Variants in SLC25A31 observed in about 807,000 individuals in gnomAD.
SLC25A31 encodes the protein solute carrier family 25 member 31, also known as ADP/ATP translocase 4.
In SLC25A31, 40 loss-of-function variants were observed where a neutral mutation model predicts 36.2. The ratio of observed to expected loss-of-function variants is 1.10; its 90% CI spans 0.86 to 1.44. The LOEUF (loss-of-function observed/expected upper bound fraction) is 1.44. SLC25A31 is among the 40% of genes most tolerant of loss of function. SLC25A31 has a pLI of 0.00. For synonymous variants in SLC25A31, 143 were observed against 149.7 expected (o/e 0.96, Z 0.32); for missense variants, 350 against 397.1 (o/e 0.88, Z 1.01).
intron 2 of SLC25A31, among the ~76,000 whole-genome samples, chr4:127,758,902 T>C (rs1351298017): frequency 6.6e-6 from 1 of 152,200 alleles, no homozygotes; most frequent in Non-Finnish European, 1.5e-5. Context: ...AGTCAGGTAA[T>C]GTGATGCCTA....
chr4:127,754,929 G>A (rs915695132), intron 2 of SLC25A31, among the ~76,000 whole-genome samples: 5 of 152,114 alleles, frequency 3.3e-5, no homozygotes, highest in Admixed American at 6.5e-5. Flanking sequence ...TCAAAACAGC[G>A]TGAAAATGGC....
intron 4 of SLC25A31, 104 bp from the exon 5 acceptor site, chr4:127,768,648 T>A: frequency 2.1e-6 from 2 of 953,402 alleles, no homozygotes; most frequent in Non-Finnish European, 2.9e-6. Flanking sequence ...ATTTTAAGTA[T>A]AATTGGGCCC....
At chr4:127,749,865 A>G (rs888181018) in intron 2 of SLC25A31, among the ~76,000 whole-genome samples, 1 of 152,152 alleles carries the variant, frequency 6.6e-6, no homozygotes, top group Non-Finnish European at 1.5e-5. Flanking sequence ...GCAAGACCCC[A>G]TGTCTAAAAA....
At position 127,730,695 on chromosome 4, in the gene SLC25A31, G is replaced by A. The variant is rs776278294; in HGVS notation, c.150G>A (p.Val50=). The A allele has an allele frequency of 6.4e-5, 103 of 1,613,804 alleles. No homozygotes were observed. Among genetic ancestry groups the A allele is most frequent in the Non-Finnish European group, 8.4e-5 (99 of 1,179,954 alleles). Residue 50 remains valine, a synonymous_variant, in exon 1 of 6, where the codon GTG becomes GTA. Coordinates refer to ENST00000281154, the MANE Select transcript of SLC25A31 (RefSeq NM_031291.4). ...PIERVKLLLQ[V]QASSKQISPE... is the part of the protein sequence containing the mutation. ...AGCGGGTGAAGCTGCTGCTGCAGGTGCAGGCGTCGTCGAAGCAGATCAGCC... is the reference window on the plus strand; with the variant it reads ...AGCGGGTGAAGCTGCTGCTGCAGGTACAGGCGTCGTCGAAGCAGATCAGCC...
At chr4:127,745,355 TTCAAAATTTCCTAC>T (rs2148756418) in intron 2 of SLC25A31, among the ~76,000 whole-genome samples, 1 of 152,298 alleles carries the variant, frequency 6.6e-6, no homozygotes, top group Non-Finnish European at 1.5e-5. Context: ...AAATCTCAAT[TTCAAAATTTCCTAC>T]TCATATAAAC....
Position 127,730,759 on chromosome 4 carries a change from C to G in SLC25A31, c.214C>G (p.Arg72Gly). The G allele has an allele frequency of 6.2e-7, 1 of 1,611,174 alleles. No homozygotes were observed. The highest frequency in any genetic ancestry group is 1.3e-5 in the African/African-American group (1 of 75,024). ...CAAAGGCATGGTGGACTGCCTGGTG[C>G]GGATTCCTCGCGAGCAGGGTGCGTC... The part of the protein sequence containing the change: ...RYKGMVDCLV[R>G]IPREQGFFSF... Residue 72 changes from arginine to glycine, a missense_variant, in exon 1 of 6, where the codon CGG becomes GGG. Transcript: ENST00000281154.
chr4:127,733,411 T>C (rs1232631243), intron 1 of SLC25A31, among the ~76,000 whole-genome samples: 1 of 152,212 alleles, frequency 6.6e-6, no homozygotes, highest in Non-Finnish European at 1.5e-5. Context: ...GCCCATGATG[T>C]CAGTGCTCAA....
chr4:127,759,001 C>T (rs577637443), intron 2 of SLC25A31, among the ~76,000 whole-genome samples: 1 of 152,172 alleles, frequency 6.6e-6, no homozygotes, highest in African/African-American at 2.4e-5. Flanking sequence ...TTTTCTAATT[C>T]TTTGACAACT....
intron 2 of SLC25A31, among the ~76,000 whole-genome samples, chr4:127,759,296 G>T (rs1459185300): frequency 2.0e-5 from 3 of 151,254 alleles, no homozygotes; most frequent in Admixed American, 1.3e-4. Flanking sequence ...GTGTAGAAAT[G>T]CTACTGACTT....
chr4:127,742,954 A>G (rs889878874), intron 1 of SLC25A31, among the ~76,000 whole-genome samples: 8 of 151,938 alleles, frequency 5.3e-5, no homozygotes, highest in Admixed American at 4.6e-4. Context: ...CTGTTCAAAA[A>G]TTGTTACAGC....
At chr4:127,757,961 T>C (rs1348488805) in intron 2 of SLC25A31, among the ~76,000 whole-genome samples, 2 of 152,186 alleles carry the variant, frequency 1.3e-5, no homozygotes, top group Admixed American at 6.5e-5. Flanking sequence ...CAGTTCCACA[T>C]GGCTGGGGAG....
chr4:127,746,145 T>C (rs914657218), intron 2 of SLC25A31, among the ~76,000 whole-genome samples: 1 of 152,218 alleles, frequency 6.6e-6, no homozygotes, highest in Non-Finnish European at 1.5e-5. Flanking sequence ...TTTTGTACTT[T>C]TTTATGGCTG....
At chr4:127,731,240 G>T (rs1731519459) in intron 1 of SLC25A31, among the ~76,000 whole-genome samples, 1 of 152,172 alleles carries the variant, frequency 6.6e-6, no homozygotes, top group Admixed American at 6.5e-5. Flanking sequence ...GAAATAGTAT[G>T]TCTAAGAGAA....
At chr4:127,734,939 A>G (rs1256680143) in intron 1 of SLC25A31, among the ~76,000 whole-genome samples, 1 of 152,140 alleles carries the variant, frequency 6.6e-6, no homozygotes, top group Non-Finnish European at 1.5e-5. Flanking sequence ...AGGTAGAGGG[A>G]ATGACAAGCA....
In SLC25A31 at chr4:127,743,666, A is replaced by C. The variant is rs540093203; in HGVS notation, c.233-1006A>C. On this transcript the variant is annotated intron_variant, in intron 1 of 5. Transcript: ENST00000281154. ...TGAGAAGATTATTTCTTTGCCATTA[A>C]ATATGCTTCTGAATTGTCTTTGTGT... 1.2e-4 allele frequency among the ~76,000 whole-genome samples: 18 copies of C among 152,318 alleles called. No homozygotes were observed. The South Asian group carries it at 3.7e-3, about 32-fold the overall frequency.
intron 1 of SLC25A31, among the ~76,000 whole-genome samples, chr4:127,734,012 T>G (rs987579695): frequency 6.6e-6 from 1 of 152,248 alleles, no homozygotes; most frequent in African/African-American, 2.4e-5. Context: ...TAAAGATTTA[T>G]TATATTCTTT....
At chr4:127,747,467 A>G (rs1289567720) in intron 2 of SLC25A31, among the ~76,000 whole-genome samples, 1 of 152,170 alleles carries the variant, frequency 6.6e-6, no homozygotes, top group Admixed American at 6.5e-5. Context: ...CACTGCTCAT[A>G]GAAATCAGAG....
In SLC25A31 at chr4:127,773,502, AG is replaced by A; in HGVS notation, c.881del (p.Gly294ValfsTer34). ...GAFSNVLRGT[G>X]GALVLVLYDK... ...CCTTCTCCAATGTTCTTCGCGGTAC[AG>A]GGGGTGCTTTGGTGTTGGTATTATA... On this transcript the variant is annotated frameshift_variant, in exon 6 of 6. Transcript: ENST00000281154. LOFTEE classifies it high-confidence loss of function. The A allele has an allele frequency of 3.1e-6, 5 of 1,613,734 alleles. No homozygotes were observed. The highest frequency in any genetic ancestry group is 4.2e-6 in the Non-Finnish European group (5 of 1,179,890).
At chr4:127,769,995 T>G (rs1344316757) in intron 5 of SLC25A31, among the ~76,000 whole-genome samples, 1 of 152,216 alleles carries the variant, frequency 6.6e-6, no homozygotes, top group Non-Finnish European at 1.5e-5. Flanking sequence ...GTTCTGTACT[T>G]TTACTCATTA....
Sources: gnomAD v4.1 joint callset for allele counts (sites outside exome capture counted in the v4.1 genomes callset) on GRCh38, gnomAD v4.1.1 for gene constraint, MANE v1.5 for transcripts, NCBI Gene and HGNC (gene_info 2026-07-23, HGNC 2026-07-21) for gene names.